Variants in FAM178B observed in about 807,000 individuals in gnomAD.
The protein encoded by FAM178B is family with sequence similarity 178 member B, also known as protein FAM178B.
A neutral mutation model predicts 91.7 loss-of-function variants in FAM178B; 82 were observed. The observed-to-expected ratio is 0.89, with a 90% CI of 0.75 to 1.07. The LOEUF is 1.07. Among genes scored for constraint, FAM178B ranks in the 50% least tolerant of loss-of-function variants. The pLI, the probability that FAM178B is intolerant of heterozygous loss-of-function variation, is 0.00. For synonymous variants in FAM178B, 368 were observed against 359.4 expected (o/e 1.02, Z -0.27); for missense variants, 769 against 846.7 (o/e 0.91, Z 1.14).
intron 12 of FAM178B, among the ~76,000 whole-genome samples, chr2:96,910,836 G>A (rs1290195586): frequency 1.4e-5 from 2 of 141,116 alleles, no homozygotes; most frequent in African/African-American, 5.4e-5. Context: ...TTGCTCTGTC[G>A]CCCAGGCTGG....
intron 12 of FAM178B, among the ~76,000 whole-genome samples, chr2:96,907,427 G>C (rs13419720): frequency 0.018 from 2,814 of 152,238 alleles, 86 homozygotes; most frequent in African/African-American, 0.058. Context: ...ACCCCACCTG[G>C]CAAGGCCTCC....
In FAM178B at chr2:96,940,989, G is replaced by T. The variant is rs551876172; in HGVS notation, c.1078+6829C>A. Among the ~76,000 whole-genome samples, 3 of 152,358 alleles carry T rather than the reference G, an allele frequency of 2.0e-5. No individual in the cohort carries two copies. In the East Asian group the frequency reaches 5.8e-4, roughly 29 times the overall value. On this transcript the variant is annotated intron_variant, in intron 8 of 16. Transcript: ENST00000490605. ...GCTGTGGCCTCTCCAGACACCAGTG[G>T]GGAGAACTGGGAAACTCTGGGAAGA...
chr2:96,967,911 C>CTGTTTTTTTTTT, intron 4 of FAM178B, among the ~76,000 whole-genome samples: 1 of 62,418 alleles, frequency 1.6e-5, no homozygotes, highest in Non-Finnish European at 3.0e-5. Context: ...CCTGTTTGGT[C>CTGTTTTTTTTTT]TTTTTTTTTT....
intron 13 of FAM178B, among the ~76,000 whole-genome samples, chr2:96,894,733 A>G (rs1484140311): frequency 4.7e-5 from 3 of 63,304 alleles, no homozygotes; most frequent in Non-Finnish European, 6.1e-5. Context: ...AGACCTACAT[A>G]CACACCCACT....
chr2:96,889,723 C>A (rs200348462), intron 14 of FAM178B, among the ~76,000 whole-genome samples: 44 of 135,870 alleles, frequency 3.2e-4, no homozygotes, highest in Middle Eastern at 3.8e-3. Flanking sequence ...TAAATAAATA[C>A]AAAAAAAAAT....
At chr2:96,936,791 G>A (rs1197680026) in intron 8 of FAM178B, among the ~76,000 whole-genome samples, 3 of 152,194 alleles carry the variant, frequency 2.0e-5, no homozygotes, top group Non-Finnish European at 4.4e-5. Flanking sequence ...GATTACAGGC[G>A]TGAGACACCA....
In FAM178B at chr2:96,986,539, AGCC is replaced by A. The variant is rs931327167; in HGVS notation, c.-229_-227del. The A allele has an allele frequency of 1.3e-3, 680 of 543,854 alleles. 1 individual carries two copies. The highest frequency in any genetic ancestry group is 4.3e-3 in the East Asian group (120 of 27,796). 33.7% of individuals were successfully genotyped at this position (543,854 alleles called of 1,614,324 possible). ...ACTCCAAACCAAGCGGCCAGCTCAC[AGCC>A]GCCGCCGCCGCCAGCTGGGGAGCTC... On this transcript the variant is annotated 5_prime_UTR_variant, in exon 1 of 17. Coordinates refer to ENST00000490605, the MANE Select transcript of FAM178B (RefSeq NM_001122646.3).
chr2:96,932,500 C>T (rs143598347), intron 8 of FAM178B, among the ~76,000 whole-genome samples: 1 of 152,314 alleles, frequency 6.6e-6, no homozygotes, highest in African/African-American at 2.4e-5. Context: ...TGTTTGTCCC[C>T]GATGAGGGCT....
intron 1 of FAM178B, among the ~76,000 whole-genome samples, chr2:96,975,535 C>T (rs958307999): frequency 2.6e-5 from 4 of 152,168 alleles, no homozygotes; most frequent in Admixed American, 6.5e-5. Flanking sequence ...GGATATCCAT[C>T]ACCTTAAATG....
chr2:96,975,662 T>G (rs1352465100), intron 1 of FAM178B, among the ~76,000 whole-genome samples: 1 of 152,248 alleles, frequency 6.6e-6, no homozygotes, highest in East Asian at 1.9e-4. Context: ...GCCTAATTTC[T>G]TCTATCAAGC....
chr2:96,959,935 C>T (rs762783625), intron 6 of FAM178B, among the ~76,000 whole-genome samples: 5 of 152,170 alleles, frequency 3.3e-5, no homozygotes, highest in African/African-American at 9.7e-5. Flanking sequence ...CACGTGCCCT[C>T]GATGGCCCAG....
chr2:96,956,065 C>T (rs1451711834), intron 6 of FAM178B, among the ~76,000 whole-genome samples: 1 of 152,248 alleles, frequency 6.6e-6, no homozygotes, highest in African/African-American at 2.4e-5. Context: ...GACAAACGCA[C>T]ACCCCAATGT....
chr2:96,985,849 A>G (rs1337957283), intron 1 of FAM178B, among the ~76,000 whole-genome samples: 1 of 152,232 alleles, frequency 6.6e-6, no homozygotes, highest in Non-Finnish European at 1.5e-5. Context: ...GGTCTCCAGC[A>G]TCATAAACTC....
chr2:96,900,757 C>T (rs1049697189), intron 13 of FAM178B, among the ~76,000 whole-genome samples: 2 of 152,124 alleles, frequency 1.3e-5, no homozygotes, highest in Non-Finnish European at 2.9e-5. Flanking sequence ...AAAGCCAGGC[C>T]GAAGCCGCTC....
At chr2:96,951,512 G>A (rs765077125) in intron 6 of FAM178B, 28 bp from the exon 7 acceptor site, 6 of 1,518,452 alleles carry the variant, frequency 4.0e-6, no homozygotes, top group African/African-American at 1.4e-5. Flanking sequence ...GAGGTTAGGG[G>A]AGGCCTCTGT....
chr2:96,971,807 C>A lies in FAM178B; in HGVS notation c.564+94G>T, dbSNP rs996638546. ...AGTGTCCGAGGAAGAGCAGCTGGGG[C>A]GTGGCTCAGGAGAGGGTGGCCTGGG... On this transcript the variant is annotated intron_variant, in intron 3 of 16. Coordinates refer to ENST00000490605, the MANE Select transcript of FAM178B (RefSeq NM_001122646.3). 30 of 1,180,434 alleles carry A rather than the reference C, an allele frequency of 2.5e-5. 1 individual carries two copies. Among genetic ancestry groups the A allele is most frequent in the Non-Finnish European group, 3.2e-5 (28 of 872,628 alleles). The allele number at this position is 1,180,434 out of a possible 1,614,324, so 73.1% of individuals were successfully genotyped here. A position where few individuals can be genotyped will look rare whatever the true frequency, so the allele number is the denominator to read the frequency against.
At chr2:96,970,680 AT>A (rs1312521350) in intron 4 of FAM178B, 35 bp downstream of exon 4, 1 of 1,520,904 alleles carries the variant, frequency 6.6e-7, no homozygotes, top group African/African-American at 1.4e-5. Context: ...CCCTGCAGAA[AT>A]AAGCACCCCA....
At chr2:96,882,449 C>T (rs1208480335) in intron 14 of FAM178B, among the ~76,000 whole-genome samples, 1 of 152,224 alleles carries the variant, frequency 6.6e-6, no homozygotes, top group East Asian at 1.9e-4. Context: ...GTGAGGGGGC[C>T]CTTCCCAGCA....
rs1014257429 is a variant in FAM178B at position 96,891,107 on chromosome 2, G to A, written c.1776+2819C>T. Among the ~76,000 whole-genome samples the A allele has an allele frequency of 5.3e-5, 8 of 150,842 alleles. No homozygotes were observed. The East Asian group carries it at 1.5e-3, about 29-fold the overall frequency. On this transcript the variant is annotated intron_variant, in intron 14 of 16. Coordinates refer to ENST00000490605, the MANE Select transcript of FAM178B (RefSeq NM_001122646.3). ...CAGCTAGGACTGTGGTCAAAGCCAG[G>A]ACACACGGCCAGTGCAGGCATCTAT...
Sources: allele counts gnomAD v4.1 joint callset (sites outside exome capture counted in the v4.1 genomes callset), GRCh38; gene constraint gnomAD v4.1.1; transcripts MANE v1.5; gene names NCBI Gene and HGNC (gene_info 2026-07-23, HGNC 2026-07-21).